The following SMIM13 variants were observed in gnomAD, a reference collection of about 807,000 sequenced individuals.
SMIM13 encodes the protein UPF0766 protein C6orf228.
In SMIM13, 3 loss-of-function variants were observed where a neutral mutation model predicts 5.9. The observed-to-expected ratio is 0.51, with a 90% confidence interval of 0.23 to 1.31. The LOEUF is 1.31. SMIM13 is among the 40% of genes most tolerant of loss of function. The pLI, the probability that SMIM13 is intolerant of heterozygous loss-of-function variation, is 0.18. For synonymous variants in SMIM13, 55 were observed against 46.0 expected, an observed-to-expected ratio of 1.19 and a Z score of -0.79; for missense variants, 85 against 109.9, an observed-to-expected ratio of 0.77 and a Z score of 1.01.
intron 1 of SMIM13, among the ~76,000 whole-genome samples, chr6:11,131,893 C>T (rs1026451883): frequency 1.3e-5 from 2 of 152,062 alleles, no homozygotes; most frequent in Non-Finnish European, 2.9e-5. Flanking sequence ...ATCCAAAGTA[C>T]AAGCAAACAA....
intron 1 of SMIM13, among the ~76,000 whole-genome samples, chr6:11,100,411 C>T (rs1216119171): frequency 6.6e-6 from 1 of 152,176 alleles, no homozygotes; most frequent in Non-Finnish European, 1.5e-5. Flanking sequence ...CAATCTCTTA[C>T]ACTCATCAGT....
intron 1 of SMIM13, among the ~76,000 whole-genome samples, chr6:11,121,916 C>A (rs1211566833): frequency 9.9e-6 from 1 of 100,718 alleles, no homozygotes; most frequent in Non-Finnish European, 2.1e-5. Context: ...TACATACATA[C>A]CTACACCGTC....
chr6:11,101,828 C>A (rs1241661627), intron 1 of SMIM13, among the ~76,000 whole-genome samples: 2 of 151,952 alleles, frequency 1.3e-5, no homozygotes, highest in Non-Finnish European at 2.9e-5. Flanking sequence ...CAACTTCCCC[C>A]TCCTGGGTTC....
At chr6:11,122,117 C>G (rs1164939915) in intron 1 of SMIM13, among the ~76,000 whole-genome samples, 1 of 152,106 alleles carries the variant, frequency 6.6e-6, no homozygotes, top group Non-Finnish European at 1.5e-5. Context: ...TGCTTTTTGT[C>G]TTTTCCAAGG....
chr6:11,099,999 T>C (rs1757970423), intron 1 of SMIM13, among the ~76,000 whole-genome samples: 1 of 152,210 alleles, frequency 6.6e-6, no homozygotes, highest in South Asian at 2.1e-4. Context: ...TTGAAGTTAA[T>C]ACATAATTGC....
At chr6:11,132,366 A>T (rs1758461543) in intron 1 of SMIM13, among the ~76,000 whole-genome samples, 1 of 152,188 alleles carries the variant, frequency 6.6e-6, no homozygotes, top group Non-Finnish European at 1.5e-5. Flanking sequence ...AAGTGTTTAA[A>T]CACAGAGTTA....
At chr6:11,126,018 C>G (rs903938792) in intron 1 of SMIM13, among the ~76,000 whole-genome samples, 5 of 151,964 alleles carry the variant, frequency 3.3e-5, no homozygotes, top group Non-Finnish European at 7.4e-5. Flanking sequence ...ATTCTTTTTT[C>G]TTTTGTCTCC....
intron 1 of SMIM13, among the ~76,000 whole-genome samples, chr6:11,112,839 G>T (rs960982243): frequency 2.6e-5 from 4 of 151,980 alleles, no homozygotes; most frequent in Non-Finnish European, 5.9e-5. Context: ...ATGGGGTCTT[G>T]CTCTGTCGCC....
At chr6:11,094,426 G>A (rs1757895679) in intron 1 of SMIM13, 37 bp downstream of exon 1, 13 of 1,487,890 alleles carry the variant, frequency 8.7e-6, no homozygotes, top group Non-Finnish European at 1.1e-5. Flanking sequence ...AGTTCCACAC[G>A]CCGGGTCGCT....
In SMIM13 at chr6:11,126,597, G is replaced by A. The variant is rs77432666; in HGVS notation, c.77-7806G>A. Among the ~76,000 whole-genome samples, 667 of 152,248 alleles carry A rather than the reference G, an allele frequency of 4.4e-3. 3 individuals are homozygous for A. Among genetic ancestry groups the A allele is most frequent in the African/African-American group, 0.015 (638 of 41,546 alleles). ...GCTATTTTGAATCCTCTCTCTGAAAGGTCACATATCTCTGGGAGTGGTCTC... is the reference window on the plus strand; with the variant it reads ...GCTATTTTGAATCCTCTCTCTGAAAAGTCACATATCTCTGGGAGTGGTCTC... On this transcript the variant is annotated intron_variant, in intron 1 of 1. Transcript: ENST00000416247.
chr6:11,116,008 C>CTTTTTTTTTTT (rs35527082), intron 1 of SMIM13, among the ~76,000 whole-genome samples: 1 of 78,530 alleles, frequency 1.3e-5, no homozygotes, highest in African/African-American at 5.2e-5. Context: ...CTTCCTTCCT[C>CTTTTTTTTTTT]TTTTTTTTTT....
chr6:11,105,491 G>A, intron 1 of SMIM13: 1 of 590,684 alleles, frequency 1.7e-6, no homozygotes, highest in Non-Finnish European at 3.1e-6. Context: ...TTTGTTTAAA[G>A]AGGAATTTTA....
chr6:11,138,318 T>G lies in SMIM13; in HGVS notation c.*3716T>G, dbSNP rs1758540421. 1 of 152,222 alleles carries G rather than the reference T, an allele frequency of 6.6e-6. No individual in the cohort carries two copies. Among genetic ancestry groups the G allele is most frequent in the African/African-American group, 2.4e-5 (1 of 41,478 alleles). The allele number at this position is 152,222 out of a possible 1,614,324, so 9.4% of individuals were successfully genotyped here. On this transcript the variant is annotated 3_prime_UTR_variant, in exon 2 of 2. Coordinates refer to ENST00000416247, the MANE Select transcript of SMIM13 (RefSeq NM_001135575.2). ...CTAAAGTGTCCTATAGTTTTTAACT[T>G]AAAGTGTAAAGAGTAACATTTTATC...
chr6:11,094,479 A>C, intron 1 of SMIM13, 90 bp downstream of exon 1: 2 of 1,057,280 alleles, frequency 1.9e-6, no homozygotes, highest in South Asian at 2.9e-5. Flanking sequence ...TTTGAAAAAA[A>C]CAAAAGGGCG....
At chr6:11,095,368 C>T (rs968381689) in intron 1 of SMIM13, among the ~76,000 whole-genome samples, 1 of 152,112 alleles carries the variant, frequency 6.6e-6, no homozygotes, top group Non-Finnish European at 1.5e-5. Flanking sequence ...GAGATGGAGT[C>T]TCGCTCTTGT....
intron 1 of SMIM13, among the ~76,000 whole-genome samples, chr6:11,099,530 A>G (rs921794114): frequency 1.3e-5 from 2 of 152,210 alleles, no homozygotes; most frequent in African/African-American, 2.4e-5. Flanking sequence ...GTAAGGCCCA[A>G]TGAGGGCAGG....
chr6:11,118,194 C>T (rs6906360), intron 1 of SMIM13, among the ~76,000 whole-genome samples: 28,805 of 152,134 alleles, frequency 0.19, 3,098 homozygotes, highest in African/African-American at 0.29. Context: ...CCTTTGTGAA[C>T]GTCCCATATA....
rs191883773 is a variant in SMIM13 at position 11,108,838 on chromosome 6, C to T, written c.76+14449C>T. ...AAATGATCCTTTATGAACAGTTGTC[C>T]TTCTAGTGGGTCTGGGTCTAGGTTA... On this transcript the variant is annotated intron_variant, in intron 1 of 1. Coordinates refer to ENST00000416247, the MANE Select transcript of SMIM13 (RefSeq NM_001135575.2). Among the ~76,000 whole-genome samples the T allele has an allele frequency of 1.2e-3, 186 of 152,270 alleles. 1 individual carries two copies. The highest frequency in any genetic ancestry group is 2.1e-3 in the Non-Finnish European group (142 of 68,028).
At chr6:11,112,744 C>T (rs4711179) in intron 1 of SMIM13, among the ~76,000 whole-genome samples, 1 of 151,930 alleles carries the variant, frequency 6.6e-6, no homozygotes, top group Non-Finnish European at 1.5e-5. Context: ...ATTTGTTTAT[C>T]CATTTACTCA....
Sources: gnomAD v4.1 joint callset for allele counts (sites outside exome capture counted in the v4.1 genomes callset) on GRCh38, gnomAD v4.1.1 for gene constraint, MANE v1.5 for transcripts, NCBI Gene and HGNC (gene_info 2026-07-23, HGNC 2026-07-21) for gene names.